Variants in MAP4K2 observed in about 807,000 individuals in gnomAD.
MAP4K2 encodes B lymphocyte serine/threonine protein kinase.
In MAP4K2, 85 loss-of-function variants were observed where a neutral mutation model predicts 125.3. The observed-to-expected ratio is 0.68, with a 90% CI of 0.57 to 0.81. The LOEUF is 0.81. MAP4K2 is among the 40% of genes least tolerant of loss of function. MAP4K2 has a pLI of 0.00. For synonymous variants in MAP4K2, 479 were observed against 445.1 expected, an observed-to-expected ratio of 1.08 and a Z score of -0.96; for missense variants, 923 against 1,056.4, an observed-to-expected ratio of 0.87 and a Z score of 1.75.
In MAP4K2 at chr11:64,802,465, G is replaced by A; in HGVS notation, c.264C>T (p.Ile88=). 1 of 1,518,800 alleles carries A rather than the reference G, an allele frequency of 6.6e-7. No individual in the cohort carries two copies. Among genetic ancestry groups the A allele is most frequent in the Non-Finnish European group, 8.8e-7 (1 of 1,132,718 alleles). 94.1% of individuals were successfully genotyped at this position (1,518,800 alleles called of 1,614,324 possible). A position where few individuals can be genotyped will look rare whatever the true frequency, so the allele number is the denominator to read the frequency against. ...GSYLRNDRLW[I]CMEFCGGGSL... ...AGCCCCCTCCGCAGAACTCCATGCA[G>A]ATCCACAAGCGGTCATTCCTAGGGA... Residue 88 remains isoleucine, a synonymous_variant, in exon 4 of 32, where the codon ATC becomes ATT. Coordinates refer to ENST00000294066, the MANE Select transcript of MAP4K2 (RefSeq NM_004579.5).
chr11:64,800,081 G>A, intron 12 of MAP4K2, 28 bp downstream of exon 12: 2 of 1,540,084 alleles, frequency 1.3e-6, no homozygotes, highest in African/African-American at 1.4e-5. Context: ...ACCAGCCCAA[G>A]ACTCACTTTC....
In MAP4K2 at chr11:64,790,775, G is replaced by A. The variant is rs554925075; in HGVS notation, c.2093-313C>T. Reference sequence around the variant, plus strand: ...CCTGGTACAAATCACTTTACCTCTCGGAGCCTCTGTTTCCTCATAACACAG... The same window carrying A: ...CCTGGTACAAATCACTTTACCTCTCAGAGCCTCTGTTTCCTCATAACACAG... On this transcript the variant is annotated intron_variant, in intron 27 of 31. Coordinates refer to ENST00000294066, the MANE Select transcript of MAP4K2 (RefSeq NM_004579.5). Among the ~76,000 whole-genome samples, 29 of 152,260 alleles carry A rather than the reference G, an allele frequency of 1.9e-4. 1 individual carries two copies. The highest frequency in any genetic ancestry group is 1.5e-3 in the South Asian group (7 of 4,826).
chr11:64,791,579 C>T lies in MAP4K2; in HGVS notation c.2092+330G>A, dbSNP rs577066792. Among the ~76,000 whole-genome samples, 21 of 152,318 alleles carry T rather than the reference C, an allele frequency of 1.4e-4. 1 individual carries two copies. In the South Asian group the frequency reaches 3.9e-3, roughly 29 times the overall value. ...AGAGTCAGGGTCTCGCCATGTTGTC[C>T]AGGCTGGTCTCAAACTCATGAGCTC... On this transcript the variant is annotated intron_variant, in intron 27 of 31. Coordinates refer to ENST00000294066, the MANE Select transcript of MAP4K2 (RefSeq NM_004579.5).
Position 64,785,703 on chromosome 11 carries a change from C to T in MAP4K2, c.*3834G>A, listed in dbSNP as rs1301742960. Reference sequence around the variant, plus strand: ...CTCCTAGGCTCAAGCAATCCTCCCACCTTAGCCTCCAGAGTAGCTGGGACT... The same window carrying T: ...CTCCTAGGCTCAAGCAATCCTCCCATCTTAGCCTCCAGAGTAGCTGGGACT... On this transcript the variant is annotated 3_prime_UTR_variant, in exon 32 of 32. Coordinates refer to ENST00000294066, the MANE Select transcript of MAP4K2 (RefSeq NM_004579.5). 6.6e-6 allele frequency: 1 copy of T among 151,986 alleles called. No individual in the cohort carries two copies. The highest frequency in any genetic ancestry group is 2.4e-5 in the African/African-American group (1 of 41,334). The allele number at this position is 151,986 out of a possible 1,614,324, so 9.4% of individuals were successfully genotyped here.
Position 64,792,105 on chromosome 11 carries a change from G to T in MAP4K2, c.1915-19C>A. 1 of 1,579,958 alleles carries T rather than the reference G, an allele frequency of 6.3e-7. No individual in the cohort carries two copies. The highest frequency in any genetic ancestry group is 1.8e-5 in the Admixed American group (1 of 55,878). ...AGAAGTTCTAGGGGGCAGCAGGGAT[G>T]CTCAGGTCTCCATTTCTCCCCCCAG... On this transcript the variant is annotated intron_variant, in intron 26 of 31. Transcript: ENST00000294066.
chr11:64,801,529 G>A lies in MAP4K2; in HGVS notation c.457+50C>T, dbSNP rs200561872. ...CCCAACCCTTGAGTCCAGGGTAGCCGGGGAGGGTCCACAGAGCCCTCACCC... is the reference window on the plus strand; with the variant it reads ...CCCAACCCTTGAGTCCAGGGTAGCCAGGGAGGGTCCACAGAGCCCTCACCC... On this transcript the variant is annotated intron_variant, in intron 7 of 31. Coordinates refer to ENST00000294066, the MANE Select transcript of MAP4K2 (RefSeq NM_004579.5). 2.2e-4 allele frequency: 355 copies of A among 1,605,388 alleles called. 2 individuals are homozygous for A. In the African/African-American group the frequency reaches 4.0e-3, roughly 18 times the overall value.
At chr11:64,798,241 C>A (rs1005892166) in intron 15 of MAP4K2, among the ~76,000 whole-genome samples, 8 of 152,148 alleles carry the variant, frequency 5.3e-5, no homozygotes, top group African/African-American at 1.4e-4. Context: ...TCTCAGCTCA[C>A]CGCAACCTCC....
intron 12 of MAP4K2, 109 bp from the exon 13 acceptor site, chr11:64,799,792 G>A: frequency 7.3e-6 from 6 of 817,864 alleles, no homozygotes; most frequent in Non-Finnish European, 1.2e-5. Context: ...ACAGCCCTCT[G>A]GGACTACTGT....
chr11:64,802,387 G>C (rs1941259739), intron 4 of MAP4K2, 32 bp downstream of exon 4: 1 of 1,484,186 alleles, frequency 6.7e-7, no homozygotes, highest in East Asian at 2.5e-5. Context: ...GGGAAGGCTG[G>C]GGCCTGCTGG....
At position 64,792,169 on chromosome 11, in the gene MAP4K2, C is replaced by T; in HGVS notation, c.1914+3G>A. The T allele has an allele frequency of 6.2e-7, 1 of 1,608,672 alleles. No homozygotes were observed. Among genetic ancestry groups the T allele is most frequent in the Non-Finnish European group, 8.5e-7 (1 of 1,177,856 alleles). On this transcript the variant is annotated splice_donor_region_variant and intron_variant, in intron 26 of 31. Transcript: ENST00000294066. ...CCCTGGGCCTCCCCCCACCGCCCCT[C>T]ACCTTCAGCAGCAGAAACTTCTGCA...
intron 15 of MAP4K2, 80 bp downstream of exon 15, chr11:64,798,714 C>A: frequency 6.6e-7 from 1 of 1,505,194 alleles, no homozygotes; most frequent in Non-Finnish European, 9.2e-7. Context: ...GGATTACAGG[C>A]ATGAGCCACC....
At position 64,796,802 on chromosome 11, in the gene MAP4K2, C is replaced by T. The variant is rs766275495; in HGVS notation, c.1492+7G>A. 3 of 1,613,658 alleles carry T rather than the reference C, an allele frequency of 1.9e-6. No individual in the cohort carries two copies. Among genetic ancestry groups the T allele is most frequent in the East Asian group, 4.5e-5 (2 of 44,894 alleles). ...TGGGCTCCCGCTTCCTCCCTGCCCC[C>T]ACCTACCCCGAGTAACAGGGTGAAT... On this transcript the variant is annotated splice_region_variant and intron_variant, in intron 21 of 31. Coordinates refer to ENST00000294066, the MANE Select transcript of MAP4K2 (RefSeq NM_004579.5).
At chr11:64,801,821 T>TCTCAGGACTGGGGCCCCCCA in intron 5 of MAP4K2, 64 bp from the exon 6 acceptor site, 1 of 1,565,874 alleles carries the variant, frequency 6.4e-7, no homozygotes. Flanking sequence ...CCAAACCCCC[T>TCTCAGGACTGGGGCCCCCCA]CTCAGGACTG....
chr11:64,799,734 G>A (rs375065413), intron 12 of MAP4K2, 51 bp from the exon 13 acceptor site: 88 of 1,493,364 alleles, frequency 5.9e-5, no homozygotes, highest in Non-Finnish European at 7.2e-5. Flanking sequence ...GCCTCATGCC[G>A]GGGCTGCTCT....
chr11:64,801,937 C>T, intron 5 of MAP4K2, 129 bp downstream of exon 5: 1 of 1,166,460 alleles, frequency 8.6e-7, no homozygotes, highest in Non-Finnish European at 1.2e-6. Context: ...GGCCCCTTTT[C>T]CCCAGGACCT....
At position 64,792,302 on chromosome 11, in the gene MAP4K2, C is replaced by G. The variant is rs769318912; in HGVS notation, c.1811-27G>C. ...TGGCAGGGGAGCAGGCAGTGGGCAC[C>G]GGGCTGGGCCTGCGCTGCCCCCCAC... On this transcript the variant is annotated intron_variant, in intron 25 of 31. Transcript: ENST00000294066. 4 of 1,595,304 alleles carry G rather than the reference C, an allele frequency of 2.5e-6. No homozygotes were observed. In the Middle Eastern group the frequency reaches 5.1e-4, roughly 202 times the overall value.
chr11:64,790,306 G>C (rs745699530), intron 28 of MAP4K2, 32 bp from the exon 29 acceptor site: 3 of 1,613,278 alleles, frequency 1.9e-6, no homozygotes, highest in Non-Finnish European at 2.5e-6. Context: ...GAGTGGGGAC[G>C]GGGAGGCTCC....
intron 7 of MAP4K2, 93 bp from the exon 8 acceptor site, chr11:64,801,276 C>G: frequency 6.8e-7 from 1 of 1,467,440 alleles, no homozygotes; most frequent in Non-Finnish European, 9.3e-7. Flanking sequence ...TGGCAGGGCT[C>G]AGACGGGCAG....
Position 64,796,291 on chromosome 11 carries a change from G to C in MAP4K2, c.1733C>G (p.Thr578Ser). ...CCCTGACCTGGGGATGATGCGCTGG[G>C]TGAGGCGGTTGGTGGGGATGGAGAG... ...VPLSIPTNRL[T>S]QRIIPRRFAL... Residue 578 changes from threonine (T) to serine (S), a missense_variant, in exon 24 of 32, where the codon ACC becomes AGC. Physicochemically the swap from Thr to Ser is moderately conservative, Grantham distance 58 (BLOSUM62 1). Around this residue, in one of 2 missense-constraint regions of MAP4K2, gnomAD observed 833 missense variants for 911.4 expected, o/e 0.91. Coordinates refer to ENST00000294066, the MANE Select transcript of MAP4K2 (RefSeq NM_004579.5). 3 of 1,535,902 alleles carry C rather than the reference G, an allele frequency of 2.0e-6. No individual in the cohort carries two copies. Among genetic ancestry groups the C allele is most frequent in the Non-Finnish European group, 2.6e-6 (3 of 1,141,986 alleles).
Sources: allele counts gnomAD v4.1 joint callset (sites outside exome capture counted in the v4.1 genomes callset), GRCh38; gene constraint gnomAD v4.1.1; regional missense constraint gnomAD v4.1.1; transcripts MANE v1.5; gene names NCBI Gene and HGNC (gene_info 2026-07-23, HGNC 2026-07-21).